The following ANK2 variants were observed in gnomAD, a reference collection of about 807,000 sequenced individuals.
ANK2 encodes the protein ankyrin 2.
ANK2 carries 83 observed loss-of-function variants against 360.5 expected under a neutral mutation model. That is an observed-to-expected ratio of 0.23 (90% CI 0.19 to 0.28). The LOEUF (loss-of-function observed/expected upper bound fraction) is 0.28, where lower values mean the gene tolerates loss of function less well. Among genes scored for constraint, ANK2 ranks in the 10% least tolerant of loss-of-function variants. The pLI, the probability that ANK2 is intolerant of heterozygous loss-of-function variation, is 1.00. For missense variants in ANK2, 4,201 were observed against 4,795.7 expected, an observed-to-expected ratio of 0.88 and a Z score of 3.66; for synonymous variants, 1,740 against 1,759.5, an observed-to-expected ratio of 0.99 and a Z score of 0.28.
the ANK2 span, chr4:112,738,528 A>G: frequency 2.7e-6 from 1 of 365,230 alleles, no homozygotes; most frequent in South Asian, 2.3e-5. Flanking sequence ...TGAGAGTAGT[A>G]AGGGCTGTAT....
intron 1 of ANK2, among the ~76,000 whole-genome samples, chr4:113,115,474 A>T (rs1400257307): frequency 2.6e-5 from 4 of 152,120 alleles, no homozygotes; most frequent in African/African-American, 9.7e-5. Flanking sequence ...TACAACACTG[A>T]TCCATGCCAT....
intron 1 of ANK2, among the ~76,000 whole-genome samples, chr4:112,836,287 A>G (rs1340365249): frequency 6.6e-6 from 1 of 152,044 alleles, no homozygotes; most frequent in Non-Finnish European, 1.5e-5. Context: ...CCCTTCTGCC[A>G]TGATTGTAAG....
At chr4:113,234,366 C>T in intron 5 of ANK2, among the ~76,000 whole-genome samples, 1 of 152,184 alleles carries the variant, frequency 6.6e-6, no homozygotes, top group Admixed American at 6.5e-5. Context: ...AGCTTAGACA[C>T]ATTATATACC....
chr4:113,285,381 C>T (rs982308527), intron 18 of ANK2, among the ~76,000 whole-genome samples: 1 of 152,162 alleles, frequency 6.6e-6, no homozygotes, highest in East Asian at 1.9e-4. Flanking sequence ...TGCACAGACA[C>T]CAATCACAAG....
rs1336092271 is a variant in ANK2, at chr4:113,054,710, G to A, written c.84+4898G>A. ...ACCAACTTATAACCCAAAATAGCAT[G>A]TGTTGCCTGAAGACAGTAATTCCCC... On this transcript the variant is annotated intron_variant, in intron 1 of 45. Transcript: ENST00000357077. 2.0e-5 allele frequency among the ~76,000 whole-genome samples: 3 copies of A among 152,210 alleles called. No individual in the cohort carries two copies. In the East Asian group the frequency reaches 5.8e-4, roughly 29 times the overall value.
chr4:112,806,639 G>A, the ANK2 span, among the ~76,000 whole-genome samples: 1 of 151,924 alleles, frequency 6.6e-6, no homozygotes, highest in South Asian at 2.1e-4. Flanking sequence ...AGACCAGCCT[G>A]GGAAACATGG....
intron 2 of ANK2, among the ~76,000 whole-genome samples, chr4:112,992,166 C>T (rs1248943431): frequency 7.4e-5 from 11 of 148,754 alleles, no homozygotes; most frequent in East Asian, 3.9e-4. Flanking sequence ...TTTTTTTAGA[C>T]GGAGTTTCAC....
intron 32 of ANK2, 123 bp downstream of exon 32, chr4:113,339,445 C>A (rs777178293): frequency 5.1e-5 from 41 of 798,076 alleles, no homozygotes; most frequent in Non-Finnish European, 7.9e-5. Context: ...TAAATATGGT[C>A]TGCCTTTGCT....
chr4:112,739,075 A>G, the ANK2 span: 1 of 545,106 alleles, frequency 1.8e-6, no homozygotes, highest in Non-Finnish European at 3.5e-6. Context: ...ACCAACCCCA[A>G]TGCCAGGCTG....
At chr4:113,002,467 A>G (rs1043067920) in intron 2 of ANK2, among the ~76,000 whole-genome samples, 1 of 152,124 alleles carries the variant, frequency 6.6e-6, no homozygotes, top group Non-Finnish European at 1.5e-5. Flanking sequence ...CAAGAACAAA[A>G]AACCAAACAC....
rs114799344 is a variant in ANK2 at position 113,214,874 on chromosome 4, A to G, written c.384+15765A>G. On this transcript the variant is annotated intron_variant, in intron 4 of 45. Transcript: ENST00000357077. Reference sequence around the variant, plus strand: ...GAAAGTACACATCATTTCACTTACAAAAAGTGGCCCTTTAGAATGGTGGAT... The same window carrying G: ...GAAAGTACACATCATTTCACTTACAGAAAGTGGCCCTTTAGAATGGTGGAT... Among the ~76,000 whole-genome samples, 1,140 of 152,256 alleles carry G rather than the reference A, an allele frequency of 7.5e-3. 8 individuals carry two copies. Among genetic ancestry groups the G allele is most frequent in the African/African-American group, 0.012 (500 of 41,552 alleles).
intron 1 of ANK2, chr4:113,145,809 C>T (rs2096807376): frequency 7.8e-7 from 1 of 1,280,414 alleles, no homozygotes; most frequent in Non-Finnish European, 1.0e-6. Flanking sequence ...CCCTGGGAGC[C>T]CTGGACAGAG....
intron 23 of ANK2, among the ~76,000 whole-genome samples, chr4:113,308,596 A>C (rs541452766): frequency 1.7e-4 from 26 of 152,342 alleles, no homozygotes; most frequent in African/African-American, 6.3e-4. Context: ...GATTTGTGTC[A>C]GAGAAATTAA....
chr4:113,246,704 C>T (rs888258560), intron 9 of ANK2, among the ~76,000 whole-genome samples: 1 of 152,180 alleles, frequency 6.6e-6, no homozygotes, highest in African/African-American at 2.4e-5. Context: ...AGGAATCACC[C>T]TTCTTACTTG....
chr4:113,199,679 G>T (rs2098801808), intron 4 of ANK2, among the ~76,000 whole-genome samples: 1 of 152,092 alleles, frequency 6.6e-6, no homozygotes, highest in Admixed American at 6.5e-5. Flanking sequence ...GAAAAGGGGA[G>T]AAAATGTTGT....
At chr4:113,247,778 G>A (rs183615915) in intron 9 of ANK2, among the ~76,000 whole-genome samples, 38 of 152,294 alleles carry the variant, frequency 2.5e-4, no homozygotes, top group African/African-American at 8.9e-4. Context: ...ACACTGAACT[G>A]TTACATATGA....
At chr4:113,092,028 T>G (rs928014844) in intron 1 of ANK2, among the ~76,000 whole-genome samples, 4 of 152,236 alleles carry the variant, frequency 2.6e-5, no homozygotes, top group African/African-American at 9.6e-5. Context: ...TTCATTAATA[T>G]GAAGATTGGT....
At chr4:112,966,823 G>A (rs1286725179) in intron 2 of ANK2, among the ~76,000 whole-genome samples, 1 of 152,186 alleles carries the variant, frequency 6.6e-6, no homozygotes, top group Non-Finnish European at 1.5e-5. Flanking sequence ...ATAAAATGCT[G>A]TTAAATCTTA....
intron 23 of ANK2, among the ~76,000 whole-genome samples, chr4:113,303,864 A>G (rs1432549608): frequency 7.9e-5 from 12 of 152,220 alleles, no homozygotes; most frequent in Admixed American, 7.9e-4. Context: ...TTTAATACTC[A>G]TTGCTTTTAT....
Sources: gnomAD v4.1 joint callset for allele counts (sites outside exome capture counted in the v4.1 genomes callset) on GRCh38, gnomAD v4.1.1 for gene constraint, MANE v1.5 for transcripts, NCBI Gene and HGNC (gene_info 2026-07-23, HGNC 2026-07-21) for gene names.